COTL1: variants seen among roughly 807,000 people sequenced by gnomAD.
The protein encoded by COTL1 is coactosin like F-actin binding protein 1.
Under a neutral mutation model 16.5 loss-of-function variants are expected in COTL1, and 15 were observed. The ratio of observed to expected loss-of-function variants is 0.91; its 90% CI spans 0.61 to 1.40. COTL1 has a LOEUF of 1.40. Ranked by LOEUF, COTL1 falls within the 40% of genes most tolerant of loss-of-function variation. The pLI, the probability that COTL1 is intolerant of heterozygous loss-of-function variation, is 0.00. For missense variants in COTL1, 220 were observed against 201.5 expected, an observed-to-expected ratio of 1.09 and a Z score of -0.56; for synonymous variants, 112 against 85.3, an observed-to-expected ratio of 1.31 and a Z score of -1.73.
intron 3 of COTL1, among the ~76,000 whole-genome samples, chr16:84,573,479 C>T (rs910129721): frequency 3.3e-5 from 5 of 152,210 alleles, no homozygotes; most frequent in Non-Finnish European, 5.9e-5. Context: ...GCATCATGAA[C>T]ATTCAAAATA....
At chr16:84,594,058 C>T (rs543828724) in intron 2 of COTL1, among the ~76,000 whole-genome samples, 80 of 149,492 alleles carry the variant, frequency 5.4e-4, no homozygotes, top group African/African-American at 1.8e-3. Context: ...TTTCACTCAG[C>T]GTCACATCTC....
chr16:84,590,538 T>G lies in COTL1; in HGVS notation c.161-276A>C. The G allele has an allele frequency of 3.3e-6, 1 of 299,516 alleles. No individual in the cohort carries two copies. Among genetic ancestry groups the G allele is most frequent in the South Asian group, 8.4e-5 (1 of 11,918 alleles). 18.6% of individuals were successfully genotyped at this position (299,516 alleles called of 1,614,324 possible). A position where few individuals can be genotyped will look rare whatever the true frequency, so the allele number is the denominator to read the frequency against. ...GAGAAGTCACATGGCACTTTCAAGGTTGTGAGGGAATTCAAGGTCATGCTG... is the reference window on the plus strand; with the variant it reads ...GAGAAGTCACATGGCACTTTCAAGGGTGTGAGGGAATTCAAGGTCATGCTG... On this transcript the variant is annotated intron_variant, in intron 2 of 3. Transcript: ENST00000262428. The surrounding 1 kb of genome is among the most constrained non-coding windows in gnomAD (Gnocchi z 5.5).
chr16:84,577,465 G>C (rs1260207521), intron 3 of COTL1, among the ~76,000 whole-genome samples: 2 of 152,178 alleles, frequency 1.3e-5, no homozygotes, highest in African/African-American at 2.4e-5. Context: ...GGCTGGTCTT[G>C]AACTCCTGAC....
intron 2 of COTL1, among the ~76,000 whole-genome samples, chr16:84,615,823 A>C (rs1905462482): frequency 6.6e-6 from 1 of 150,792 alleles, no homozygotes; most frequent in East Asian, 2.0e-4. Context: ...ATGAATGTCT[A>C]CAGGCAGCGC....
At chr16:84,605,654 G>A (rs762141230) in intron 2 of COTL1, among the ~76,000 whole-genome samples, 2 of 152,200 alleles carry the variant, frequency 1.3e-5, no homozygotes, top group Non-Finnish European at 2.9e-5. Context: ...CAGAGGAAGT[G>A]GCCACAAGCC....
chr16:84,610,433 T>C (rs1332494325), intron 2 of COTL1, among the ~76,000 whole-genome samples: 2 of 152,230 alleles, frequency 1.3e-5, no homozygotes, highest in East Asian at 3.9e-4. Flanking sequence ...ACAGGTACTC[T>C]CTATAAATGG....
chr16:84,573,458 TTCAAAGG>T (rs1345234632), intron 3 of COTL1, among the ~76,000 whole-genome samples: 2 of 152,158 alleles, frequency 1.3e-5, no homozygotes, highest in African/African-American at 4.8e-5. Context: ...GGGTGGTGGC[TTCAAAGG>T]TATGCATCAT....
At chr16:84,608,871 CTCCA>C in intron 2 of COTL1, among the ~76,000 whole-genome samples, 1 of 152,186 alleles carries the variant, frequency 6.6e-6, no homozygotes, top group African/African-American at 2.4e-5. Context: ...TGCCACTGCA[CTCCA>C]GACTGGGTGA....
At chr16:84,573,483 C>G (rs547426308) in intron 3 of COTL1, among the ~76,000 whole-genome samples, 63 of 152,304 alleles carry the variant, frequency 4.1e-4, no homozygotes, top group Middle Eastern at 3.4e-3. Context: ...CATGAACATT[C>G]AAAATACACA....
intron 2 of COTL1, among the ~76,000 whole-genome samples, chr16:84,593,515 CT>C (rs11421532): frequency 2.2e-4 from 31 of 139,592 alleles, no homozygotes; most frequent in Non-Finnish European, 3.3e-4. Context: ...ATTTTAACCA[CT>C]TTTTTTTTTT....
intron 2 of COTL1, chr16:84,616,347 C>G (rs1905482662): frequency 6.6e-6 from 1 of 152,004 alleles, no homozygotes. Context: ...ACTAAAATTA[C>G]AAAAAATTAG....
At chr16:84,593,016 G>A (rs190105820) in intron 2 of COTL1, among the ~76,000 whole-genome samples, 1 of 152,314 alleles carries the variant, frequency 6.6e-6, no homozygotes, top group African/African-American at 2.4e-5. Flanking sequence ...ATCTCATTTG[G>A]TCTTTGTAAC....
chr16:84,580,078 C>G (rs1418842570), intron 3 of COTL1, among the ~76,000 whole-genome samples: 1 of 152,206 alleles, frequency 6.6e-6, no homozygotes, highest in African/African-American at 2.4e-5. Context: ...GGGGCAGGTA[C>G]CAGGCTAGGG....
chr16:84,587,105 C>T (rs370144453), intron 3 of COTL1, among the ~76,000 whole-genome samples: 3 of 152,134 alleles, frequency 2.0e-5, no homozygotes, highest in Non-Finnish European at 2.9e-5. Flanking sequence ...TGCTGCCACT[C>T]GGAAGACCCC....
Position 84,616,811 on chromosome 16 carries a change from C to T in COTL1, c.160+690G>A, listed in dbSNP as rs1408736156. On this transcript the variant is annotated intron_variant, in intron 2 of 3. Coordinates refer to ENST00000262428, the MANE Select transcript of COTL1 (RefSeq NM_021149.5). ...GTATACAGTCTGATGATTTTTCACG[C>T]GGGTACACACCTGCATAACCCCCTC... 3.3e-5 allele frequency among the ~76,000 whole-genome samples: 5 copies of T among 152,152 alleles called. No individual in the cohort carries two copies. The South Asian group carries it at 1.0e-3, about 32-fold the overall frequency.
intron 2 of COTL1, among the ~76,000 whole-genome samples, chr16:84,603,703 C>A (rs1256174180): frequency 2.6e-5 from 4 of 152,048 alleles, no homozygotes; most frequent in Admixed American, 2.6e-4. Context: ...AGAGGCAGGG[C>A]TGTGCTCAGG....
At chr16:84,582,328 G>C (rs1234357007) in intron 3 of COTL1, among the ~76,000 whole-genome samples, 1 of 152,114 alleles carries the variant, frequency 6.6e-6, no homozygotes, top group South Asian at 2.1e-4. Context: ...TGTTAAAACA[G>C]AGATGCAGTC....
chr16:84,604,886 G>A (rs17827188), intron 2 of COTL1, among the ~76,000 whole-genome samples: 17,526 of 152,286 alleles, frequency 0.12, 1,367 homozygotes, highest in Middle Eastern at 0.21. Context: ...TATAAGCAGC[G>A]TAGAATTCTA....
chr16:84,576,508 A>C (rs1904456905), intron 3 of COTL1: 1 of 152,212 alleles, frequency 6.6e-6, no homozygotes, highest in African/African-American at 2.4e-5. Context: ...TGGGAAGTCA[A>C]AATTCTGGTA....
Sources: gnomAD v4.1 joint callset for allele counts (sites outside exome capture counted in the v4.1 genomes callset) on GRCh38, gnomAD v4.1.1 for gene constraint, Gnocchi (gnomAD v3.1) non-coding constraint, MANE v1.5 for transcripts, NCBI Gene and HGNC (gene_info 2026-07-23, HGNC 2026-07-21) for gene names.